Variants in UBA5 observed in about 807,000 individuals in gnomAD.
UBA5 encodes the protein ubiquitin like modifier activating enzyme 5.
A neutral mutation model predicts 52.9 loss-of-function variants in UBA5; 28 were observed. The observed-to-expected ratio is 0.53, with a 90% CI of 0.39 to 0.73. The LOEUF is 0.73. Among genes scored for constraint, UBA5 ranks in the 30% least tolerant of loss-of-function variants. UBA5 has a pLI of 0.00. For missense variants in UBA5, 388 were observed against 492.7 expected (o/e 0.79, Z 2.01); for synonymous variants, 135 against 162.1 (o/e 0.83, Z 1.27).
rs1475544453 is a variant in UBA5, at chr3:132,671,034, A to C, written c.564A>C (p.Arg188=). The C allele has an allele frequency of 1.2e-6, 2 of 1,612,920 alleles. No homozygotes were observed. Among genetic ancestry groups the C allele is most frequent in the African/African-American group, 2.7e-5 (2 of 74,884 alleles). The change falls in exon 6 of 12, where the codon CGA becomes CGC. Residue 188 remains arginine (R), a synonymous_variant. Coordinates refer to ENST00000356232, the MANE Select transcript of UBA5 (RefSeq NM_024818.6). ...GCTGTGTGGACAATTTTGAAGCTCGAATGACAATAAATACAGTGAGTATTC... is the reference window on the plus strand; with the variant it reads ...GCTGTGTGGACAATTTTGAAGCTCGCATGACAATAAATACAGTGAGTATTC... The part of the protein sequence containing the change: ...VLSCVDNFEA[R]MTINTACNEL...
chr3:132,659,654 A>G, upstream of UBA5: 1 of 1,611,532 alleles, frequency 6.2e-7, no homozygotes, highest in Non-Finnish European at 8.5e-7. Flanking sequence ...AAAGCCAGAC[A>G]AGTGCTGGTT....
At chr3:132,659,784 C>G, upstream of UBA5, 1 of 1,561,726 alleles carries the variant, frequency 6.4e-7, no homozygotes, top group African/African-American at 1.4e-5. Context: ...AACGCGGCAT[C>G]CACAGGTCTC....
At chr3:132,655,527 C>G (rs546804827), upstream of UBA5, among the ~76,000 whole-genome samples, 39 of 152,296 alleles carry the variant, frequency 2.6e-4, no homozygotes, top group Admixed American at 3.9e-4. Flanking sequence ...CATTAGCAGT[C>G]CCCTCTGTCT....
chr3:132,671,923 C>T, intron 7 of UBA5, 42 bp downstream of exon 7: 2 of 1,602,894 alleles, frequency 1.2e-6, no homozygotes, highest in Non-Finnish European at 1.7e-6. Flanking sequence ...CTGTTAGATA[C>T]TTGAGTTCTT....
rs1938867686 is a variant in UBA5 at position 132,676,987 on chromosome 3, C to G, written c.*461C>G. The G allele has an allele frequency of 2.7e-6, 1 of 376,986 alleles. No homozygotes were observed. The highest frequency in any genetic ancestry group is 5.4e-6 in the Non-Finnish European group (1 of 184,612). 23.4% of individuals were successfully genotyped at this position (376,986 alleles called of 1,614,324 possible). A position where few individuals can be genotyped will look rare whatever the true frequency, so the allele number is the denominator to read the frequency against. On this transcript the variant is annotated 3_prime_UTR_variant, in exon 12 of 12. Coordinates refer to ENST00000356232, the MANE Select transcript of UBA5 (RefSeq NM_024818.6). This position sits in a 1 kb window ranked among gnomAD's most constrained non-coding sequence, Gnocchi z 4.1. ...CATCTGCTCATTATGTTTGGAATTG[C>G]TTTCTATAAGAAAATTGCCCACTAC... is the stretch of plus-strand genomic sequence containing the variant.
At chr3:132,672,859 C>T (rs1342312562) in intron 8 of UBA5, among the ~76,000 whole-genome samples, 1 of 152,158 alleles carries the variant, frequency 6.6e-6, no homozygotes, top group African/African-American at 2.4e-5. Context: ...AAATTTATGT[C>T]ACAGTTTATG....
chr3:132,676,294 C>A lies in UBA5; in HGVS notation c.1132-149C>A, dbSNP rs1938836093. The A allele has an allele frequency of 6.4e-6, 4 of 625,008 alleles. No individual in the cohort carries two copies. The highest frequency in any genetic ancestry group is 1.1e-5 in the Non-Finnish European group (4 of 367,800). 38.7% of individuals were successfully genotyped at this position (625,008 alleles called of 1,614,324 possible). A position where few individuals can be genotyped will look rare whatever the true frequency, so the allele number is the denominator to read the frequency against. On this transcript the variant is annotated intron_variant, in intron 11 of 11. Transcript: ENST00000356232. The surrounding 1 kb of genome is among the most constrained non-coding windows in gnomAD (Gnocchi z 4.1). ...TGGTGAGGAATGTAAAAGACTCTGTCTTTCTTCTAAAAATTAGAAGATAGT... is the reference window on the plus strand; with the variant it reads ...TGGTGAGGAATGTAAAAGACTCTGTATTTCTTCTAAAAATTAGAAGATAGT...
At chr3:132,665,303 G>T (rs571233183) in intron 1 of UBA5, among the ~76,000 whole-genome samples, 1 of 152,134 alleles carries the variant, frequency 6.6e-6, no homozygotes, top group Non-Finnish European at 1.5e-5. Context: ...GAAGATGAAT[G>T]GGAATTAACC....
At chr3:132,668,365 C>T (rs1235977249) in intron 3 of UBA5, 1 of 153,064 alleles carries the variant, frequency 6.5e-6, no homozygotes. Context: ...TTGTTTTCAT[C>T]TTATTTAAAG....
In UBA5 at chr3:132,679,687, T is replaced by C. The variant is rs1328373763; in HGVS notation, c.*3161T>C. 6.6e-6 allele frequency among the ~76,000 whole-genome samples: 1 copy of C among 152,210 alleles called. No homozygotes were observed. The highest frequency in any genetic ancestry group is 1.5e-5 in the Non-Finnish European group (1 of 68,022). ...CTAGAGTACTGGTCTCATTATTTTC[T>C]AAAGCAGTTTTTCTAAGGTGATAAA... On this transcript the variant is annotated 3_prime_UTR_variant, in exon 12 of 12. Coordinates refer to ENST00000356232, the MANE Select transcript of UBA5 (RefSeq NM_024818.6).
At chr3:132,674,869 A>G (rs1938764407) in intron 8 of UBA5, among the ~76,000 whole-genome samples, 1 of 152,178 alleles carries the variant, frequency 6.6e-6, no homozygotes, top group Non-Finnish European at 1.5e-5. Flanking sequence ...AGCTTTCTTA[A>G]TTATCTCAGG....
At chr3:132,666,776 A>G (rs1277866405) in intron 3 of UBA5, among the ~76,000 whole-genome samples, 1 of 152,174 alleles carries the variant, frequency 6.6e-6, no homozygotes, top group East Asian at 1.9e-4. Context: ...TCACTTATCA[A>G]TATAGAAATA....
At position 132,660,592 on chromosome 3, in the gene UBA5, C is replaced by T. The variant is rs867695328; in HGVS notation, c.55C>T (p.Leu19Phe). The stretch of plus-strand genomic sequence containing the variant: ...GCGGGTCCAGGAGCTGGAGCGGGAA[C>T]TTGCCCAGGAGAGGAGTCTGCAGGT... ...QQRVQELERE[L>F]AQERSLQVPR... Residue 19 changes from leucine to phenylalanine, a missense_variant, in exon 1 of 12, where the codon CTT becomes TTT. Around this residue, in one of 3 missense-constraint regions of UBA5, gnomAD observed 95 missense variants for 107.0 expected, o/e 0.89. Coordinates refer to ENST00000356232, the MANE Select transcript of UBA5 (RefSeq NM_024818.6). The surrounding 1 kb of genome is among the most constrained non-coding windows in gnomAD (Gnocchi z 4.1). The T allele has an allele frequency of 5.8e-6, 9 of 1,553,242 alleles. No homozygotes were observed. Among genetic ancestry groups the T allele is most frequent in the Non-Finnish European group, 7.0e-6 (8 of 1,148,618 alleles).
upstream of UBA5, chr3:132,659,532 C>T (rs1451531629): frequency 3.7e-5 from 59 of 1,598,992 alleles, no homozygotes; most frequent in Non-Finnish European, 4.9e-5. Context: ...TAGGAAACCA[C>T]CCAGGGCCAA....
At chr3:132,672,025 G>T (rs1401453256) in intron 7 of UBA5, 25 bp from the exon 8 acceptor site, 11 of 1,597,686 alleles carry the variant, frequency 6.9e-6, no homozygotes, top group Admixed American at 3.6e-5. Context: ...CTTTTTTTTT[G>T]AAATGTGTTT....
intron 1 of UBA5, chr3:132,661,162 C>A: frequency 1.2e-6 from 1 of 836,936 alleles, no homozygotes; most frequent in Non-Finnish European, 1.6e-6. Flanking sequence ...ACATCTCAAA[C>A]CATTCGACAT....
At chr3:132,671,293 CA>C (rs1421568837) in intron 6 of UBA5, among the ~76,000 whole-genome samples, 1 of 152,150 alleles carries the variant, frequency 6.6e-6, no homozygotes, top group African/African-American at 2.4e-5. Flanking sequence ...AACTATAAAA[CA>C]GCAAATACCT....
intron 4 of UBA5, among the ~76,000 whole-genome samples, chr3:132,669,847 T>A (rs1300600790): frequency 1.3e-5 from 2 of 152,180 alleles, no homozygotes; most frequent in Non-Finnish European, 2.9e-5. Context: ...AGTTTTGTAA[T>A]CTTTATGACA....
At chr3:132,657,984 C>T (rs909609290), upstream of UBA5, among the ~76,000 whole-genome samples, 1 of 151,148 alleles carries the variant, frequency 6.6e-6, no homozygotes, top group Admixed American at 6.6e-5. Flanking sequence ...GCCTCAGCAT[C>T]CCAAGTAGCT....
Sources: gnomAD v4.1 joint callset for allele counts (sites outside exome capture counted in the v4.1 genomes callset) on GRCh38, gnomAD v4.1.1 for gene constraint, gnomAD v4.1.1 regional missense constraint, Gnocchi (gnomAD v3.1) non-coding constraint, MANE v1.5 for transcripts, NCBI Gene and HGNC (gene_info 2026-07-23, HGNC 2026-07-21) for gene names.